The following POU2F2 variants were observed in gnomAD, a reference collection of about 807,000 sequenced individuals.
POU2F2 encodes POU class 2 homeobox 2.
A neutral mutation model predicts 63.5 loss-of-function variants in POU2F2; 14 were observed. The observed-to-expected ratio is 0.22, with a 90% CI of 0.15 to 0.34. POU2F2 has a LOEUF of 0.34. Among genes scored for constraint, POU2F2 ranks in the 10% least tolerant of loss-of-function variants. POU2F2 has a pLI of 1.00. For missense variants in POU2F2, 607 were observed against 815.2 expected, an observed-to-expected ratio of 0.74 and a Z score of 3.11; for synonymous variants, 306 against 348.6, an observed-to-expected ratio of 0.88 and a Z score of 1.36.
chr19:42,107,607 T>C (rs1420363206), intron 5 of POU2F2, among the ~76,000 whole-genome samples: 1 of 152,228 alleles, frequency 6.6e-6, no homozygotes, highest in Admixed American at 6.5e-5. Context: ...CTAATACTAC[T>C]GTTGTCTGTT....
At chr19:42,178,931 G>A (rs1442700196), upstream of POU2F2, among the ~76,000 whole-genome samples, 13 of 152,120 alleles carry the variant, frequency 8.5e-5, no homozygotes. Flanking sequence ...AAAGTGACAG[G>A]AACAGAGAAA....
intron 1 of POU2F2, among the ~76,000 whole-genome samples, chr19:42,192,503 C>G (rs1432475890): frequency 6.6e-6 from 1 of 152,150 alleles, no homozygotes; most frequent in African/African-American, 2.4e-5. Context: ...TGTTGAATGA[C>G]TTGGTGTTTG....
rs372468847 is a variant in POU2F2 at position 42,095,267 on chromosome 19, C to T, written c.1197+19G>A. On this transcript the variant is annotated intron_variant, in intron 11 of 14. Transcript: ENST00000692977. This position sits in a 1 kb window ranked among gnomAD's most constrained non-coding sequence, Gnocchi z 7.1. ...CGGAGCTCTGTGGTCTCCCCACCCC[C>T]CAGGCGGGCTCTTGGTACCATATGG... The T allele has an allele frequency of 6.3e-4, 1,004 of 1,606,322 alleles. 6 individuals carry two copies. The highest frequency in any genetic ancestry group is 3.2e-3 in the South Asian group (292 of 90,320).
At chr19:42,101,187 A>G (rs923484372) in intron 5 of POU2F2, among the ~76,000 whole-genome samples, 1 of 152,192 alleles carries the variant, frequency 6.6e-6, no homozygotes, top group Non-Finnish European at 1.5e-5. Context: ...AAAATACTCC[A>G]GCAAATAGTG....
At position 42,100,581 on chromosome 19, in the gene POU2F2, G is replaced by A. The variant is rs935012902; in HGVS notation, c.370-760C>T. Among the ~76,000 whole-genome samples the A allele has an allele frequency of 7.3e-5, 11 of 151,356 alleles. No individual in the cohort carries two copies. In the East Asian group the frequency reaches 7.9e-4, roughly 11 times the overall value. On this transcript the variant is annotated intron_variant, in intron 5 of 14. Coordinates refer to ENST00000692977, the MANE Select transcript of POU2F2 (RefSeq NM_001394376.1). ...AGCCTGGCCAACATGGCAAAATCTC[G>A]TCTCTACTAAAAATACAAAATTAGC... is the stretch of plus-strand genomic sequence containing the variant.
chr19:42,170,937 C>T (rs1489898978), intron 1 of POU2F2, among the ~76,000 whole-genome samples: 2 of 152,280 alleles, frequency 1.3e-5, no homozygotes, highest in African/African-American at 2.4e-5. Context: ...CTCCCCTCCT[C>T]GCTGACCAGC....
chr19:42,189,011 G>A (rs2035047995), intron 1 of POU2F2, among the ~76,000 whole-genome samples: 2 of 152,018 alleles, frequency 1.3e-5, no homozygotes, highest in South Asian at 4.1e-4. Context: ...TAAAAGAGAG[G>A]TACTGGTCGA....
chr19:42,117,511 G>A lies in POU2F2; in HGVS notation c.187-79C>T, dbSNP rs1258043891. On this transcript the variant is annotated intron_variant, in intron 4 of 14. Coordinates refer to ENST00000692977, the MANE Select transcript of POU2F2 (RefSeq NM_001394376.1). The surrounding 1 kb of genome is among the most constrained non-coding windows in gnomAD (Gnocchi z 4.4). ...GAGGAGCAGACTGGGGTGTGGACAT[G>A]AGGGTGCAGTCTGTGGTCCTGCACT... 1 of 675,992 alleles carries A rather than the reference G, an allele frequency of 1.5e-6. No individual in the cohort carries two copies. Among genetic ancestry groups the A allele is most frequent in the African/African-American group, 1.9e-5 (1 of 52,786 alleles). 41.9% of individuals were successfully genotyped at this position (675,992 alleles called of 1,614,324 possible).
chr19:42,196,129 G>C (rs1210875407), intron 1 of POU2F2, among the ~76,000 whole-genome samples: 1 of 152,026 alleles, frequency 6.6e-6, no homozygotes, highest in Non-Finnish European at 1.5e-5. Flanking sequence ...GAGCTTCCCG[G>C]TGCCCCCAGC....
intron 2 of POU2F2, among the ~76,000 whole-genome samples, chr19:42,150,865 GCTGGCTCT>G (rs1376295234): frequency 6.6e-6 from 1 of 152,114 alleles, no homozygotes; most frequent in Non-Finnish European, 1.5e-5. Flanking sequence ...GCCCAGAACT[GCTGGCTCT>G]GGGATGAGCC....
chr19:42,183,966 G>A (rs2034988781), intron 1 of POU2F2, among the ~76,000 whole-genome samples: 1 of 150,390 alleles, frequency 6.6e-6, no homozygotes, highest in Admixed American at 6.6e-5. Flanking sequence ...AAGGCCCAGA[G>A]AGAAGGAAAC....
At position 42,095,258 on chromosome 19, in the gene POU2F2, C is replaced by T. The variant is rs753554219; in HGVS notation, c.1197+28G>A. 1.3e-6 allele frequency: 2 copies of T among 1,599,670 alleles called. No homozygotes were observed. The highest frequency in any genetic ancestry group is 3.4e-5 in the Admixed American group (2 of 58,104). On this transcript the variant is annotated intron_variant, in intron 11 of 14. Coordinates refer to ENST00000692977, the MANE Select transcript of POU2F2 (RefSeq NM_001394376.1). This position sits in a 1 kb window ranked among gnomAD's most constrained non-coding sequence, Gnocchi z 7.1. ...AGGTGCCTGCGGAGCTCTGTGGTCTCCCCACCCCCCAGGCGGGCTCTTGGT... is the reference window on the plus strand; with the variant it reads ...AGGTGCCTGCGGAGCTCTGTGGTCTTCCCACCCCCCAGGCGGGCTCTTGGT...
At chr19:42,126,336 A>G (rs545636201) in intron 1 of POU2F2, among the ~76,000 whole-genome samples, 7 of 152,036 alleles carry the variant, frequency 4.6e-5, no homozygotes, top group African/African-American at 1.7e-4. Context: ...CCAGCTACTC[A>G]GGAGGCTGAG....
At chr19:42,190,134 A>C (rs1025490837) in intron 1 of POU2F2, among the ~76,000 whole-genome samples, 1 of 152,120 alleles carries the variant, frequency 6.6e-6, no homozygotes, top group Admixed American at 6.6e-5. Flanking sequence ...GAAGGGAAGA[A>C]AGATGGAGTA....
At chr19:42,120,942 G>A (rs940450691) in intron 4 of POU2F2, among the ~76,000 whole-genome samples, 2 of 152,182 alleles carry the variant, frequency 1.3e-5, no homozygotes, top group Non-Finnish European at 2.9e-5. Flanking sequence ...TTCAGTTAGG[G>A]AAAGACTGAC....
chr19:42,195,491 C>A (rs531241432), intron 1 of POU2F2, among the ~76,000 whole-genome samples: 3 of 151,834 alleles, frequency 2.0e-5, no homozygotes, highest in African/African-American at 7.3e-5. Flanking sequence ...CGCCACCACA[C>A]CAGGCTAATT....
chr19:42,175,958 C>T (rs548528205), intron 1 of POU2F2: 2 of 151,204 alleles, frequency 1.3e-5, no homozygotes. Flanking sequence ...CCTGTGCCCT[C>T]TTACCTCTCC....
intron 1 of POU2F2, among the ~76,000 whole-genome samples, chr19:42,168,422 C>T (rs1037802461): frequency 4.6e-5 from 7 of 152,210 alleles, no homozygotes; most frequent in African/African-American, 1.4e-4. Flanking sequence ...GTCCCGTGAC[C>T]CTGGGCCTCA....
intron 1 of POU2F2, among the ~76,000 whole-genome samples, chr19:42,164,957 A>AC (rs1332400782): frequency 6.6e-6 from 1 of 151,938 alleles, no homozygotes; most frequent in East Asian, 1.9e-4. Flanking sequence ...CTATCTCAAA[A>AC]AAAAAAAAAA....
Sources: gnomAD v4.1 joint callset for allele counts (sites outside exome capture counted in the v4.1 genomes callset) on GRCh38, gnomAD v4.1.1 for gene constraint, Gnocchi (gnomAD v3.1) non-coding constraint, MANE v1.5 for transcripts, NCBI Gene and HGNC (gene_info 2026-07-23, HGNC 2026-07-21) for gene names.